Variants in ZBTB20 observed in about 807,000 individuals in gnomAD.
ZBTB20 encodes zinc finger and BTB domain containing 20.
Under a neutral mutation model 56.9 loss-of-function variants are expected in ZBTB20, and 9 were observed. The observed-to-expected ratio is 0.16, with a 90% CI of 0.10 to 0.28. ZBTB20 has a LOEUF of 0.28. Among genes scored for constraint, ZBTB20 ranks in the 10% least tolerant of loss-of-function variants. The pLI is 1.00. For synonymous variants in ZBTB20, 417 were observed against 420.7 expected (o/e 0.99, Z 0.11); for missense variants, 655 against 1,003.0 (o/e 0.65, Z 4.69).
At chr3:114,660,723 T>C (rs1029930176) in intron 6 of ZBTB20, among the ~76,000 whole-genome samples, 1 of 152,152 alleles carries the variant, frequency 6.6e-6, no homozygotes, top group African/African-American at 2.4e-5. Context: ...AGACAGGTCA[T>C]GTAATTTAAA....
intron 5 of ZBTB20, among the ~76,000 whole-genome samples, chr3:114,733,249 C>G (rs1306549427): frequency 6.6e-6 from 1 of 152,174 alleles, no homozygotes; most frequent in East Asian, 1.9e-4. Flanking sequence ...ACTGGCTCAT[C>G]ATGCAGGAGT....
intron 5 of ZBTB20, among the ~76,000 whole-genome samples, chr3:114,702,373 T>C (rs2063448226): frequency 2.6e-5 from 4 of 152,252 alleles, no homozygotes; most frequent in South Asian, 2.1e-4. Context: ...AAAAATCAGA[T>C]GATTAATACA....
At chr3:114,742,680 T>C (rs948256070) in intron 5 of ZBTB20, among the ~76,000 whole-genome samples, 2 of 152,198 alleles carry the variant, frequency 1.3e-5, no homozygotes. Flanking sequence ...CAGATCTGTC[T>C]GATTTCAAAA....
Position 114,972,712 on chromosome 3 carries a change from C to T in ZBTB20, c.-456+1654G>A, listed in dbSNP as rs970443596. On this transcript the variant is annotated intron_variant, in intron 3 of 11. Coordinates refer to ENST00000675478, the MANE Select transcript of ZBTB20 (RefSeq NM_001348800.3). ...TTAAAATCTATTCCACTTTGAAAAG[C>T]GATATTCTTTCTCCCTCTCAGATAA... is the stretch of plus-strand genomic sequence containing the variant. Among the ~76,000 whole-genome samples, 8 of 152,130 alleles carry T rather than the reference C, an allele frequency of 5.3e-5. No individual in the cohort carries two copies. The East Asian group carries it at 5.8e-4, about 11-fold the overall frequency.
chr3:114,981,957 T>C (rs1024589028), intron 2 of ZBTB20, among the ~76,000 whole-genome samples: 4 of 152,036 alleles, frequency 2.6e-5, no homozygotes, highest in African/African-American at 9.7e-5. Flanking sequence ...CCAGAAAAAT[T>C]CATTTGGTGA....
At chr3:115,031,407 A>G (rs2080672965) in intron 2 of ZBTB20, among the ~76,000 whole-genome samples, 1 of 151,494 alleles carries the variant, frequency 6.6e-6, no homozygotes, top group Admixed American at 6.6e-5. Context: ...AACATTTTCT[A>G]TATATAGCTT....
chr3:114,688,089 G>A (rs2062457380), intron 6 of ZBTB20: 1 of 152,106 alleles, frequency 6.6e-6, no homozygotes, highest in African/African-American at 2.4e-5. Context: ...AATTAGCTGG[G>A]TATGATGGCG....
At chr3:114,854,329 A>G (rs2075141624) in intron 4 of ZBTB20, among the ~76,000 whole-genome samples, 1 of 152,208 alleles carries the variant, frequency 6.6e-6, no homozygotes, top group African/African-American at 2.4e-5. Flanking sequence ...AATAGAGGCT[A>G]ACAGGGAAGT....
At chr3:114,574,265 TTGTC>T (rs1324378638) in intron 6 of ZBTB20, among the ~76,000 whole-genome samples, 1 of 152,212 alleles carries the variant, frequency 6.6e-6, no homozygotes, top group African/African-American at 2.4e-5. Context: ...ACCTAAATCT[TTGTC>T]TGAGATTCTA....
intron 6 of ZBTB20, among the ~76,000 whole-genome samples, chr3:114,524,000 T>C (rs2046929865): frequency 6.6e-6 from 1 of 152,114 alleles, no homozygotes; most frequent in Admixed American, 6.5e-5. Flanking sequence ...AGGCATGAAA[T>C]AGATGGCGAG....
At chr3:114,545,739 C>T (rs564842532) in intron 6 of ZBTB20, among the ~76,000 whole-genome samples, 9 of 152,246 alleles carry the variant, frequency 5.9e-5, no homozygotes, top group Admixed American at 3.3e-4. Context: ...AAGTAATGGC[C>T]TCTTCAAATC....
chr3:114,987,042 C>T (rs931794774), intron 2 of ZBTB20, among the ~76,000 whole-genome samples: 2 of 151,958 alleles, frequency 1.3e-5, no homozygotes, highest in Non-Finnish European at 2.9e-5. Context: ...GACAAAAATG[C>T]TAAAACTATA....
rs967138527 is a variant in ZBTB20, at chr3:114,330,386, ATATTTCAATATAGAG to A, written c.*8604_*8618del. 48 of 152,334 alleles carry A rather than the reference ATATTTCAATATAGAG, an allele frequency of 3.2e-4. No homozygotes were observed. Among genetic ancestry groups the A allele is most frequent in the African/African-American group, 1.2e-3 (48 of 41,580 alleles). 9.4% of individuals were successfully genotyped at this position (152,334 alleles called of 1,614,324 possible). A position where few individuals can be genotyped will look rare whatever the true frequency, so the allele number is the denominator to read the frequency against. ...AGTTAAAATGAATATAATGTAATAT[ATATTTCAATATAGAG>A]TTGTTATATATAATGTGTATGTCCT... On this transcript the variant is annotated 3_prime_UTR_variant, in exon 12 of 12. Transcript: ENST00000675478.
chr3:114,911,933 G>C (rs890072372), intron 3 of ZBTB20, among the ~76,000 whole-genome samples: 13 of 151,736 alleles, frequency 8.6e-5, no homozygotes, highest in African/African-American at 2.9e-4. Flanking sequence ...GCTTCCAAGA[G>C]AGATCCCAAA....
chr3:114,912,752 T>C (rs1432493720), intron 3 of ZBTB20, among the ~76,000 whole-genome samples: 1 of 151,876 alleles, frequency 6.6e-6, no homozygotes, highest in Non-Finnish European at 1.5e-5. Flanking sequence ...CTTCCCCGGC[T>C]CCTACTCCCC....
At position 114,336,181 on chromosome 3, in the gene ZBTB20, T is replaced by C. The variant is rs1490393327; in HGVS notation, c.*2824A>G. The C allele has an allele frequency of 2.6e-5, 4 of 152,372 alleles. No homozygotes were observed. The highest frequency in any genetic ancestry group is 7.2e-5 in the African/African-American group (3 of 41,596). 9.4% of individuals were successfully genotyped at this position (152,372 alleles called of 1,614,324 possible). ...TTGTAACATGTATTGAGTGATTTCA[T>C]GTCATTGTCTCCTAGCTTTAAGAGT... On this transcript the variant is annotated 3_prime_UTR_variant, in exon 12 of 12. Coordinates refer to ENST00000675478, the MANE Select transcript of ZBTB20 (RefSeq NM_001348800.3).
At chr3:115,018,407 G>A (rs1224669814) in intron 2 of ZBTB20, among the ~76,000 whole-genome samples, 1 of 151,480 alleles carries the variant, frequency 6.6e-6, no homozygotes, top group African/African-American at 2.4e-5. Flanking sequence ...CAAAAAAGGT[G>A]TATATGTGAC....
intron 4 of ZBTB20, among the ~76,000 whole-genome samples, chr3:114,810,237 G>A (rs2072419134): frequency 1.3e-5 from 2 of 152,116 alleles, no homozygotes; most frequent in Admixed American, 1.3e-4. Flanking sequence ...CAGACCTCTA[G>A]GAATATGTGG....
intron 7 of ZBTB20, among the ~76,000 whole-genome samples, chr3:114,498,126 T>C (rs921085592): frequency 6.6e-6 from 1 of 152,234 alleles, no homozygotes; most frequent in African/African-American, 2.4e-5. Flanking sequence ...ATCTGAATTG[T>C]ATAGAGACCT....
Sources: allele counts gnomAD v4.1 joint callset (sites outside exome capture counted in the v4.1 genomes callset), GRCh38; gene constraint gnomAD v4.1.1; transcripts MANE v1.5; gene names NCBI Gene and HGNC (gene_info 2026-07-23, HGNC 2026-07-21).